NLGN4X: variants seen among roughly 807,000 people sequenced by gnomAD.
The protein encoded by NLGN4X is neuroligin-4, X-linked.
In NLGN4X, 3 loss-of-function variants were observed where a neutral mutation model predicts 40.3. That is an observed-to-expected ratio of 0.07 (90% CI 0.03 to 0.19). NLGN4X has a LOEUF of 0.19. NLGN4X is among the 10% of genes least tolerant of loss of function. The pLI is 1.00. For synonymous variants in NLGN4X, 270 were observed against 306.8 expected (o/e 0.88, Z 1.25); for missense variants, 382 against 708.3 (o/e 0.54, Z 5.23).
At chrX:6,002,725 C>T (rs2036001561) in intron 3 of NLGN4X, among the ~76,000 whole-genome samples, 1 of 111,610 alleles carries the variant, frequency 9.0e-6, no homozygotes, top group Non-Finnish European at 1.9e-5. Context: ...TGTTTTCCCA[C>T]TCGACTGCTG....
intron 2 of NLGN4X, among the ~76,000 whole-genome samples, chrX:6,109,406 T>C (rs781717022): frequency 2.7e-5 from 3 of 112,540 alleles, no homozygotes; most frequent in African/African-American, 6.4e-5. Context: ...TACAGGGTTA[T>C]ATTAGAATGA....
chrX:6,173,812 C>A (rs1199095426), intron 1 of NLGN4X, among the ~76,000 whole-genome samples: 2 of 112,163 alleles, frequency 1.8e-5, no homozygotes, highest in African/African-American at 6.5e-5. Context: ...AATCCTAGCA[C>A]TTCAGGAGGC....
At chrX:6,080,100 G>C (rs2038308913) in intron 2 of NLGN4X, among the ~76,000 whole-genome samples, 1 of 104,682 alleles carries the variant, frequency 9.6e-6, no homozygotes, top group African/African-American at 3.6e-5. Flanking sequence ...AATGCTTATG[G>C]TCTAGAAACC....
rs1008816206 is a variant in NLGN4X, at chrX:5,965,997, C to T, written c.626-56758G>A. 2.7e-5 allele frequency among the ~76,000 whole-genome samples: 3 copies of T among 111,724 alleles called. No individual in the cohort carries two copies. In the Admixed American group the frequency reaches 2.9e-4, roughly 11 times the overall value. On this transcript the variant is annotated intron_variant, in intron 3 of 5. Transcript: ENST00000381095. ...TAGTAGAAAATGAATGTCTCATTGACGTTCCACCTTCAGGGAAACATGTCA... is the reference window on the plus strand; with the variant it reads ...TAGTAGAAAATGAATGTCTCATTGATGTTCCACCTTCAGGGAAACATGTCA...
chrX:6,100,686 C>T (rs2038888157), intron 2 of NLGN4X, among the ~76,000 whole-genome samples: 1 of 111,632 alleles, frequency 9.0e-6, no homozygotes, highest in East Asian at 2.8e-4. Flanking sequence ...GAAACAGATA[C>T]CATACCAACG....
intron 5 of NLGN4X, 35 bp from the exon 6 acceptor site, chrX:5,893,701 A>G: frequency 4.2e-6 from 5 of 1,202,449 alleles, no homozygotes; most frequent in Non-Finnish European, 4.5e-6. Flanking sequence ...GAAAGGTCAT[A>G]CTCTTCCACA....
intron 1 of NLGN4X, among the ~76,000 whole-genome samples, chrX:6,199,628 A>G (rs1325703235): frequency 9.0e-6 from 1 of 111,730 alleles, no homozygotes; most frequent in Non-Finnish European, 1.9e-5. Context: ...GTTAGAATGT[A>G]AATGATTAAA....
intron 5 of NLGN4X, 50 bp downstream of exon 5, chrX:5,903,027 C>T: frequency 8.4e-7 from 1 of 1,197,274 alleles, no homozygotes; most frequent in Non-Finnish European, 1.1e-6. Context: ...ATATTGAGGA[C>T]ACAAACAAGT....
At chrX:6,194,087 G>A (rs1400477895) in intron 1 of NLGN4X, among the ~76,000 whole-genome samples, 1 of 111,488 alleles carries the variant, frequency 9.0e-6, no homozygotes, top group Non-Finnish European at 1.9e-5. Context: ...GGAAGCTGAG[G>A]TGGGAGGATC....
intron 3 of NLGN4X, among the ~76,000 whole-genome samples, chrX:5,918,160 T>C (rs1010947041): frequency 1.4e-4 from 16 of 110,758 alleles, no homozygotes; most frequent in Non-Finnish European, 2.8e-4. Flanking sequence ...AAAGGTTTTT[T>C]TTTTTTTATT....
chrX:5,925,701 G>A (rs771251340), intron 3 of NLGN4X, among the ~76,000 whole-genome samples: 5 of 104,138 alleles, frequency 4.8e-5, no homozygotes, highest in East Asian at 6.2e-4. Flanking sequence ...AGGAAACAAC[G>A]CACCCAGGAA....
intron 2 of NLGN4X, among the ~76,000 whole-genome samples, chrX:6,073,809 G>A (rs2038127656): frequency 1.8e-5 from 2 of 111,139 alleles, no homozygotes; most frequent in Non-Finnish European, 3.8e-5. Flanking sequence ...TACATTTTAT[G>A]TCATGTTCAT....
At chrX:6,030,324 A>C (rs2036818877) in intron 2 of NLGN4X, among the ~76,000 whole-genome samples, 1 of 109,914 alleles carries the variant, frequency 9.1e-6, no homozygotes, top group African/African-American at 3.3e-5. Flanking sequence ...TTATAACATT[A>C]ATCAGCCATT....
At chrX:5,969,611 T>C (rs766352642) in intron 3 of NLGN4X, among the ~76,000 whole-genome samples, 2,519 of 111,329 alleles carry the variant, frequency 0.023, 32 homozygotes, top group Middle Eastern at 0.087. Context: ...TGGAAGTCAG[T>C]GTGGCGATTT....
chrX:6,048,171 A>G (rs2037376942), intron 2 of NLGN4X, among the ~76,000 whole-genome samples: 1 of 111,582 alleles, frequency 9.0e-6, no homozygotes, highest in Non-Finnish European at 1.9e-5. Context: ...AATTTCACTC[A>G]CCTTAGAACT....
At chrX:5,999,082 A>G (rs1268142844) in intron 3 of NLGN4X, among the ~76,000 whole-genome samples, 1 of 111,761 alleles carries the variant, frequency 8.9e-6, no homozygotes, top group African/African-American at 3.3e-5. Flanking sequence ...TTTTCCAGCA[A>G]TGAGCCTGAA....
chrX:5,928,643 C>T (rs2033418011), intron 3 of NLGN4X, among the ~76,000 whole-genome samples: 1 of 111,352 alleles, frequency 9.0e-6, no homozygotes, highest in African/African-American at 3.3e-5. Context: ...ATATTATTTA[C>T]CAAGAATGTG....
intron 1 of NLGN4X, among the ~76,000 whole-genome samples, chrX:6,208,288 T>A (rs778866907): frequency 4.8e-4 from 54 of 112,617 alleles, no homozygotes; most frequent in African/African-American, 1.7e-3. Flanking sequence ...CATTTCGTTC[T>A]GCACTTTGTT....
At chrX:5,952,650 G>A (rs1027747593) in intron 3 of NLGN4X, among the ~76,000 whole-genome samples, 6 of 110,929 alleles carry the variant, frequency 5.4e-5, no homozygotes, top group African/African-American at 2.0e-4. Flanking sequence ...CACCAATATA[G>A]GTTAAATTTA....
Sources: allele counts gnomAD v4.1 joint callset (sites outside exome capture counted in the v4.1 genomes callset), GRCh38; gene constraint gnomAD v4.1.1; transcripts MANE v1.5; gene names NCBI Gene and HGNC (gene_info 2026-07-23, HGNC 2026-07-21).